RNF150: variants seen among roughly 807,000 people sequenced by gnomAD.
RNF150 encodes the protein ring finger protein 150.
A neutral mutation model predicts 39.3 loss-of-function variants in RNF150; 24 were observed. The observed-to-expected ratio is 0.61, with a 90% CI of 0.44 to 0.86. RNF150 has a LOEUF of 0.86. RNF150 is among the 40% of genes least tolerant of loss of function. RNF150 has a pLI of 0.00. For synonymous variants in RNF150, 255 were observed against 227.3 expected (o/e 1.12, Z -1.10); for missense variants, 502 against 587.8 (o/e 0.85, Z 1.51).
chr4:141,080,675 T>C (rs1189236932), intron 1 of RNF150, among the ~76,000 whole-genome samples: 1 of 152,188 alleles, frequency 6.6e-6, no homozygotes, highest in Non-Finnish European at 1.5e-5. Context: ...TAATTAGATT[T>C]GTGTGAGAAA....
intron 1 of RNF150, among the ~76,000 whole-genome samples, chr4:141,043,312 G>A (rs573651458): frequency 2.0e-5 from 3 of 152,174 alleles, no homozygotes; most frequent in Non-Finnish European, 4.4e-5. Flanking sequence ...CTGAATCTCC[G>A]ATAAAAGCAA....
At chr4:140,868,411 AC>A (rs1375313185) in intron 6 of RNF150, 32 bp from the exon 7 acceptor site, 5 of 1,169,370 alleles carry the variant, frequency 4.3e-6, no homozygotes, top group Non-Finnish European at 6.5e-6. Context: ...CACAGTGAAC[AC>A]CGAGCTATGT....
intron 1 of RNF150, among the ~76,000 whole-genome samples, chr4:141,122,635 T>C (rs910836031): frequency 1.3e-5 from 2 of 152,228 alleles, no homozygotes; most frequent in Non-Finnish European, 2.9e-5. Flanking sequence ...CAGCACTGTT[T>C]ATGTAAGAGA....
chr4:140,949,680 C>CA (rs1732468917), intron 2 of RNF150, among the ~76,000 whole-genome samples: 2 of 105,106 alleles, frequency 1.9e-5, no homozygotes, highest in East Asian at 2.3e-4. Flanking sequence ...CACTACCCCC[C>CA]CCCAAAAAAA....
chr4:141,175,967 C>A (rs1727803194), intron 1 of RNF150, among the ~76,000 whole-genome samples: 1 of 152,144 alleles, frequency 6.6e-6, no homozygotes, highest in Admixed American at 6.5e-5. Flanking sequence ...TCATTGCAAC[C>A]TCAACCTCCC....
intron 1 of RNF150, among the ~76,000 whole-genome samples, chr4:141,141,507 A>G (rs1009161490): frequency 6.6e-6 from 1 of 152,182 alleles, no homozygotes; most frequent in African/African-American, 2.4e-5. Flanking sequence ...TTCCTCCTTG[A>G]GCTTATTAAG....
At chr4:141,076,312 T>C (rs892756061) in intron 1 of RNF150, among the ~76,000 whole-genome samples, 6 of 152,192 alleles carry the variant, frequency 3.9e-5, no homozygotes, top group Non-Finnish European at 7.3e-5. Flanking sequence ...CTAAATTAAA[T>C]TGCTTTTTAA....
intron 1 of RNF150, among the ~76,000 whole-genome samples, chr4:141,195,864 T>C (rs1212724848): frequency 6.6e-6 from 1 of 152,178 alleles, no homozygotes; most frequent in Non-Finnish European, 1.5e-5. Context: ...TGAAGTAGTC[T>C]GGGAAACTAG....
chr4:141,130,434 T>C lies in RNF150; in HGVS notation c.484+1891A>G, dbSNP rs756170. Among the ~76,000 whole-genome samples the C allele has an allele frequency of 8.9e-3, 1,355 of 152,282 alleles. 47 individuals carry two copies. In the East Asian group the frequency reaches 0.12, roughly 14 times the overall value. On this transcript the variant is annotated intron_variant, in intron 1 of 6. Coordinates refer to ENST00000515673, the MANE Select transcript of RNF150 (RefSeq NM_020724.2). ...TTCCAATTTTTTTTTTCCTTTAACG[T>C]TCAAACTACAGTATTACTAAACTTC...
chr4:141,044,620 C>T (rs927206950), intron 1 of RNF150, among the ~76,000 whole-genome samples: 1 of 152,172 alleles, frequency 6.6e-6, no homozygotes, highest in Non-Finnish European at 1.5e-5. Flanking sequence ...ACTGTTTTTG[C>T]AGTCAGTTTA....
chr4:141,111,846 G>C (rs1739394317), intron 1 of RNF150, among the ~76,000 whole-genome samples: 1 of 152,104 alleles, frequency 6.6e-6, no homozygotes, highest in African/African-American at 2.4e-5. Context: ...AATAATAAGA[G>C]TGTCGTGCTT....
At chr4:140,995,800 C>T (rs1449253892) in intron 1 of RNF150, among the ~76,000 whole-genome samples, 1 of 152,130 alleles carries the variant, frequency 6.6e-6, no homozygotes, top group Non-Finnish European at 1.5e-5. Context: ...TTGCAAATGA[C>T]AGGATATCAT....
chr4:140,921,771 A>T (rs1254414877), intron 5 of RNF150, among the ~76,000 whole-genome samples: 13 of 152,268 alleles, frequency 8.5e-5, no homozygotes, highest in East Asian at 5.8e-4. Flanking sequence ...TTATCCACTA[A>T]GATCAAGTGG....
At chr4:141,112,987 C>T (rs1739436031) in intron 1 of RNF150, among the ~76,000 whole-genome samples, 2 of 151,958 alleles carry the variant, frequency 1.3e-5, no homozygotes, top group South Asian at 4.1e-4. Context: ...TCTTCAATTT[C>T]TGATAACCTT....
At chr4:141,118,193 G>A (rs1726491545) in intron 1 of RNF150, among the ~76,000 whole-genome samples, 1 of 152,128 alleles carries the variant, frequency 6.6e-6, no homozygotes, top group South Asian at 2.1e-4. Flanking sequence ...CTGAGGCATG[G>A]TCTGACTTTG....
At position 140,990,942 on chromosome 4, in the gene RNF150, A is replaced by G. The variant is rs115403886; in HGVS notation, c.485-23069T>C. Among the ~76,000 whole-genome samples, 530 of 152,308 alleles carry G rather than the reference A, an allele frequency of 3.5e-3. 3 individuals carry two copies. The highest frequency in any genetic ancestry group is 0.012 in the African/African-American group (486 of 41,572). Reference sequence around the variant, plus strand: ...TTTCACAATGGCTGAAGTAATCTACATTCCCAGCAATAGTGCAAAAGTGTT... The same window carrying G: ...TTTCACAATGGCTGAAGTAATCTACGTTCCCAGCAATAGTGCAAAAGTGTT... On this transcript the variant is annotated intron_variant, in intron 1 of 6. Transcript: ENST00000515673.
intron 1 of RNF150, among the ~76,000 whole-genome samples, chr4:140,985,768 AT>A (rs1240241671): frequency 2.6e-5 from 4 of 152,248 alleles, no homozygotes; most frequent in Admixed American, 1.3e-4. Context: ...TTTTGGATAT[AT>A]GGGTTATATA....
At chr4:141,053,772 T>A in intron 1 of RNF150, 1 of 1,096,682 alleles carries the variant, frequency 9.1e-7, no homozygotes, top group Non-Finnish European at 1.2e-6. Context: ...ACGAGATAAG[T>A]GATCCAGCTT....
rs967846257 is a variant in RNF150, at chr4:140,899,504, C to T, written c.1198+11640G>A. Among the ~76,000 whole-genome samples, 3 of 152,138 alleles carry T rather than the reference C, an allele frequency of 2.0e-5. No individual in the cohort carries two copies. The South Asian group carries it at 6.2e-4, about 32-fold the overall frequency. On this transcript the variant is annotated intron_variant, in intron 6 of 6. Transcript: ENST00000515673. Reference sequence around the variant, plus strand: ...AATTCTACATCTAACTCTATCCAGTCATTCTGGGTGATGAGCCAAGGCTGG... The same window carrying T: ...AATTCTACATCTAACTCTATCCAGTTATTCTGGGTGATGAGCCAAGGCTGG...
Sources: gnomAD v4.1 joint callset for allele counts (sites outside exome capture counted in the v4.1 genomes callset) on GRCh38, gnomAD v4.1.1 for gene constraint, MANE v1.5 for transcripts, NCBI Gene and HGNC (gene_info 2026-07-23, HGNC 2026-07-21) for gene names.